RORA: variants seen among roughly 807,000 people sequenced by gnomAD.
RORA encodes the protein RAR related orphan receptor A.
In RORA, 7 loss-of-function variants were observed where a neutral mutation model predicts 69.5. The observed-to-expected ratio is 0.10, with a 90% CI of 0.06 to 0.19. The LOEUF (loss-of-function observed/expected upper bound fraction) is 0.19. RORA is among the 10% of genes least tolerant of loss of function. The probability of loss-of-function intolerance (pLI) is 1.00; values close to 1 mark genes in which losing one functional copy is unlikely to be tolerated. For missense variants in RORA, 457 were observed against 663.0 expected, an observed-to-expected ratio of 0.69 and a Z score of 3.41; for synonymous variants, 261 against 240.8, an observed-to-expected ratio of 1.08 and a Z score of -0.78.
chr15:61,102,422 G>A (rs940430209), intron 1 of RORA, among the ~76,000 whole-genome samples: 1 of 152,136 alleles, frequency 6.6e-6, no homozygotes, highest in Non-Finnish European at 1.5e-5. Context: ...TCTGGCCTTG[G>A]CTGCCCCAAC....
intron 1 of RORA, among the ~76,000 whole-genome samples, chr15:61,015,475 A>C (rs1895246876): frequency 1.0e-5 from 1 of 98,644 alleles, no homozygotes; most frequent in East Asian, 2.9e-4. Context: ...TGAAATACAC[A>C]AAAAAAAATG....
At chr15:60,989,209 G>C (rs1438131478) in intron 1 of RORA, among the ~76,000 whole-genome samples, 1 of 152,082 alleles carries the variant, frequency 6.6e-6, no homozygotes, top group Non-Finnish European at 1.5e-5. Flanking sequence ...TACTTATTAA[G>C]TAATTGCTCC....
chr15:61,209,195 T>C (rs1020603779), intron 1 of RORA, among the ~76,000 whole-genome samples: 1 of 151,606 alleles, frequency 6.6e-6, no homozygotes, highest in Non-Finnish European at 1.5e-5. Context: ...AAATGTAAAA[T>C]AGATCTTTAT....
intron 1 of RORA, among the ~76,000 whole-genome samples, chr15:61,013,326 G>A (rs28562036): frequency 5.3e-4 from 81 of 152,254 alleles, no homozygotes; most frequent in African/African-American, 1.8e-3. Flanking sequence ...CTTTTGTTGC[G>A]GAGTTGTGAC....
chr15:60,705,080 T>C (rs1471142593), intron 1 of RORA, among the ~76,000 whole-genome samples: 1 of 152,150 alleles, frequency 6.6e-6, no homozygotes, highest in African/African-American at 2.4e-5. Flanking sequence ...TTTGTTTTGC[T>C]TTCCTCCTAG....
intron 2 of RORA, among the ~76,000 whole-genome samples, chr15:60,597,641 T>C (rs1194723053): frequency 1.2e-5 from 1 of 85,812 alleles, no homozygotes; most frequent in Non-Finnish European, 2.2e-5. Flanking sequence ...TACATATATA[T>C]ATATATATGT....
chr15:60,777,232 G>C (rs1235013084), intron 1 of RORA, among the ~76,000 whole-genome samples: 2 of 152,198 alleles, frequency 1.3e-5, no homozygotes, highest in Non-Finnish European at 2.9e-5. Flanking sequence ...AATTAGTTAA[G>C]TGAAAAGCTG....
At chr15:60,839,720 C>T (rs569670565) in intron 1 of RORA, among the ~76,000 whole-genome samples, 3 of 152,322 alleles carry the variant, frequency 2.0e-5, no homozygotes, top group East Asian at 1.9e-4. Flanking sequence ...ACAGCCTACA[C>T]GGTGAATGAC....
intron 1 of RORA, among the ~76,000 whole-genome samples, chr15:61,225,376 A>G (rs1039244939): frequency 6.6e-6 from 1 of 152,160 alleles, no homozygotes; most frequent in Non-Finnish European, 1.5e-5. Context: ...TTGCTAGGTA[A>G]GAGCACCTAC....
chr15:60,974,481 GGA>G (rs146329243), intron 1 of RORA, among the ~76,000 whole-genome samples: 14,294 of 152,196 alleles, frequency 0.094, 826 homozygotes, highest in East Asian at 0.2. Flanking sequence ...GCCCTGCTAA[GGA>G]GAGTGTGATT....
At chr15:60,946,233 A>ACTCCCT (rs112860237) in intron 1 of RORA, among the ~76,000 whole-genome samples, 40,848 of 148,980 alleles carry the variant, frequency 0.27, 6,852 homozygotes, top group East Asian at 0.6. Flanking sequence ...AATGACTCCG[A>ACTCCCT]CTCCCTCTCC....
intron 1 of RORA, among the ~76,000 whole-genome samples, chr15:60,733,159 A>C (rs1486115407): frequency 6.6e-6 from 1 of 152,184 alleles, no homozygotes; most frequent in Admixed American, 6.5e-5. Context: ...TTGGAAATGG[A>C]GGTAAATAAG....
At chr15:60,699,845 TAA>T (rs372408592) in intron 1 of RORA, among the ~76,000 whole-genome samples, 1 of 146,174 alleles carries the variant, frequency 6.8e-6, no homozygotes, top group Non-Finnish European at 1.5e-5. Context: ...CTGATTCTAT[TAA>T]AAAAAAAAAG....
intron 1 of RORA, among the ~76,000 whole-genome samples, chr15:60,943,543 T>G (rs1219539445): frequency 6.6e-6 from 1 of 151,968 alleles, no homozygotes; most frequent in Non-Finnish European, 1.5e-5. Context: ...ACAGAAGGTC[T>G]TGGCCCAATG....
intron 2 of RORA, among the ~76,000 whole-genome samples, chr15:60,587,466 A>G (rs1303190813): frequency 3.3e-5 from 5 of 152,192 alleles, no homozygotes; most frequent in Non-Finnish European, 1.5e-5. Context: ...GATAGAAATT[A>G]GGGTTGTAGT....
intron 1 of RORA, among the ~76,000 whole-genome samples, chr15:60,745,001 G>A (rs1027915737): frequency 6.6e-6 from 1 of 152,174 alleles, no homozygotes; most frequent in African/African-American, 2.4e-5. Context: ...CCTGGCCACC[G>A]CGCCCTGTGC....
chr15:61,103,069 T>C (rs1195143699), intron 1 of RORA, among the ~76,000 whole-genome samples: 1 of 152,262 alleles, frequency 6.6e-6, no homozygotes, highest in Non-Finnish European at 1.5e-5. Flanking sequence ...GACACGTTCC[T>C]ATCTCCCGTA....
At chr15:61,094,913 G>A (rs565992652) in intron 1 of RORA, among the ~76,000 whole-genome samples, 4 of 152,188 alleles carry the variant, frequency 2.6e-5, no homozygotes, top group Non-Finnish European at 5.9e-5. Context: ...CTACTGGAGC[G>A]GGTTTCACCA....
intron 1 of RORA, among the ~76,000 whole-genome samples, chr15:60,944,740 G>T (rs1892815733): frequency 1.3e-5 from 2 of 148,672 alleles, no homozygotes; most frequent in African/African-American, 2.5e-5. Context: ...ATTCCTGTCT[G>T]ATGCTTCCCA....
Sources: allele counts gnomAD v4.1 joint callset (sites outside exome capture counted in the v4.1 genomes callset), GRCh38; gene constraint gnomAD v4.1.1; transcripts MANE v1.5; gene names NCBI Gene and HGNC (gene_info 2026-07-23, HGNC 2026-07-21).